The following AEBP2 variants were observed in gnomAD, a reference collection of about 807,000 sequenced individuals.
The protein encoded by AEBP2 is zinc finger protein AEBP2.
A neutral mutation model predicts 50.8 loss-of-function variants in AEBP2; 10 were observed. The observed-to-expected ratio is 0.20, with a 90% CI of 0.12 to 0.33. The LOEUF is 0.33. Among genes scored for constraint, AEBP2 ranks in the 10% least tolerant of loss-of-function variants. AEBP2 has a pLI of 1.00. For synonymous variants in AEBP2, 296 were observed against 261.3 expected (o/e 1.13, Z -1.28); for missense variants, 570 against 688.0 (o/e 0.83, Z 1.92).
intron 7 of AEBP2, 51 bp from the exon 8 acceptor site, chr12:19,518,035 CA>C: frequency 4.6e-6 from 7 of 1,518,600 alleles, no homozygotes; most frequent in African/African-American, 1.4e-5. Context: ...TTGAAGCACT[CA>C]AATGTGTTTG....
In AEBP2 at chr12:19,519,105, G is replaced by A. The variant is rs1195736317; in HGVS notation, c.*988G>A. ...CACTTTCTTGCTTGGTAAGCAAGAA[G>A]CCATATCGATTTTTTTTAACTTACA... On this transcript the variant is annotated 3_prime_UTR_variant, in exon 8 of 8. Coordinates refer to ENST00000266508, the MANE Select transcript of AEBP2 (RefSeq NM_153207.5). 1 of 153,744 alleles carries A rather than the reference G, an allele frequency of 6.5e-6. No homozygotes were observed. Among genetic ancestry groups the A allele is most frequent in the African/African-American group, 2.4e-5 (1 of 41,440 alleles). 9.5% of individuals were successfully genotyped at this position (153,744 alleles called of 1,614,324 possible).
At chr12:19,466,097 A>G (rs1194942037) in intron 2 of AEBP2, among the ~76,000 whole-genome samples, 1 of 151,986 alleles carries the variant, frequency 6.6e-6, no homozygotes, top group Admixed American at 6.6e-5. Context: ...CCTCTGAGCC[A>G]CCATGCCTAG....
rs147399428 is a variant in AEBP2 at position 19,415,217 on chromosome 12, C to T, written c.-17+11001C>T. On this transcript the variant is annotated intron_variant, in intron 1 of 3. Transcript: ENST00000538425. ...TAGTCCTAGCTACTTGGGGGGCTGA[C>T]GTGGGAGAATCGCTTGAGCTGGAAG... Among the ~76,000 whole-genome samples, 1,107 of 143,396 alleles carry T rather than the reference C, an allele frequency of 7.7e-3. 9 individuals carry two copies. Among genetic ancestry groups the T allele is most frequent in the African/African-American group, 0.018 (704 of 38,442 alleles). 94.1% of individuals were successfully genotyped at this position (143,396 alleles called of 152,430 possible). A position where few individuals can be genotyped will look rare whatever the true frequency, so the allele number is the denominator to read the frequency against.
At chr12:19,494,262 T>A (rs1948937144) in intron 4 of AEBP2, among the ~76,000 whole-genome samples, 1 of 152,176 alleles carries the variant, frequency 6.6e-6, no homozygotes, top group Non-Finnish European at 1.5e-5. Context: ...AACATTGGTA[T>A]TTCTAGAAAT....
At chr12:19,413,561 A>G in intron 1 of AEBP2, 1 of 667,146 alleles carries the variant, frequency 1.5e-6, no homozygotes, top group Non-Finnish European at 2.7e-6. Context: ...ATGCCTTTTA[A>G]AAAATAAACT....
intron 1 of AEBP2, among the ~76,000 whole-genome samples, chr12:19,460,265 A>G (rs1296291104): frequency 6.6e-6 from 1 of 152,188 alleles, no homozygotes; most frequent in Non-Finnish European, 1.5e-5. Flanking sequence ...AGATCATTAT[A>G]AAGCTTACTT....
chr12:19,429,076 A>T (rs926596013), intron 1 of AEBP2, among the ~76,000 whole-genome samples: 1 of 152,090 alleles, frequency 6.6e-6, no homozygotes, highest in African/African-American at 2.4e-5. Context: ...TGCTGCATCT[A>T]TTAACTCGTC....
At chr12:19,472,083 A>G (rs559846751) in intron 2 of AEBP2, among the ~76,000 whole-genome samples, 14 of 152,244 alleles carry the variant, frequency 9.2e-5, no homozygotes, top group African/African-American at 3.4e-4. Context: ...GCCTTGTTAT[A>G]CCTATTTGAC....
chr12:19,436,132 C>A (rs1314731346), upstream of AEBP2, among the ~76,000 whole-genome samples: 1 of 152,070 alleles, frequency 6.6e-6, no homozygotes. Context: ...AACCAAGATG[C>A]GATGTAAGTG....
chr12:19,425,773 CAAAAA>C (rs11317571), intron 1 of AEBP2, among the ~76,000 whole-genome samples: 5 of 47,888 alleles, frequency 1.0e-4, no homozygotes, highest in African/African-American at 3.6e-4. Context: ...GACTCCATCT[CAAAAA>C]AAAAAAAAAA....
At chr12:19,440,525 C>G (rs1403069091) in intron 1 of AEBP2, 155 bp downstream of exon 1, 1 of 1,383,238 alleles carries the variant, frequency 7.2e-7, no homozygotes, top group Non-Finnish European at 9.4e-7. Context: ...TCGCCGTCGC[C>G]GCCGCGCCCC....
At chr12:19,422,752 G>A (rs73335393) in intron 1 of AEBP2, among the ~76,000 whole-genome samples, 2,164 of 152,136 alleles carry the variant, frequency 0.014, 51 homozygotes, top group African/African-American at 0.049. Context: ...GATAACTCTT[G>A]TGTGAAAGAG....
At chr12:19,515,580 A>C (rs1949305949) in intron 7 of AEBP2, among the ~76,000 whole-genome samples, 1 of 152,136 alleles carries the variant, frequency 6.6e-6, no homozygotes, top group Non-Finnish European at 1.5e-5. Flanking sequence ...TCTTATTGAA[A>C]GGACTTTATA....
chr12:19,486,638 C>G (rs905123976), intron 3 of AEBP2, among the ~76,000 whole-genome samples: 2 of 152,090 alleles, frequency 1.3e-5, no homozygotes, highest in Non-Finnish European at 2.9e-5. Context: ...CCCCTGTGAC[C>G]TCCCAAAATG....
intron 3 of AEBP2, among the ~76,000 whole-genome samples, chr12:19,481,564 C>T (rs1449982739): frequency 1.3e-5 from 2 of 151,834 alleles, no homozygotes; most frequent in African/African-American, 2.4e-5. Flanking sequence ...CTCCCACCTT[C>T]ACCTCCTGGG....
intron 3 of AEBP2, among the ~76,000 whole-genome samples, chr12:19,484,250 A>ATTTTTTTTTTTTTTTTTTTTTT (rs59403434): frequency 9.3e-6 from 1 of 107,518 alleles, no homozygotes; most frequent in African/African-American, 3.6e-5. Flanking sequence ...CGCCCAGCCA[A>ATTTTTTTTTTTTTTTTTTTTTT]TTTTTTTTTT....
Position 19,493,985 on chromosome 12 carries a change from A to G in AEBP2, c.1173A>G (p.Leu391=). 1 of 1,603,360 alleles carries G rather than the reference A, an allele frequency of 6.2e-7. No individual in the cohort carries two copies. Among genetic ancestry groups the G allele is most frequent in the Non-Finnish European group, 8.5e-7 (1 of 1,174,614 alleles). ...TAAAGAACAAAAGACGACGCTCATTACGTAAGTGTTACACTGAGAAAATCT... is the reference window on the plus strand; with the variant it reads ...TAAAGAACAAAAGACGACGCTCATTGCGTAAGTGTTACACTGAGAAAATCT... ...RKLKNKRRRS[L]PRPHDFFDAQ... The change falls in exon 4 of 8, where the codon TTA becomes TTG. Residue 391 remains leucine (L), a splice_region_variant and synonymous_variant. Transcript: ENST00000266508.
intron 5 of AEBP2, among the ~76,000 whole-genome samples, chr12:19,501,797 G>GTTTGTTTT (rs60750234): frequency 1.3e-4 from 9 of 70,898 alleles, no homozygotes; most frequent in South Asian, 1.3e-3. Flanking sequence ...AAATGAGTTT[G>GTTTGTTTT]TTTTTTTTTT....
In AEBP2 at chr12:19,520,863, G is replaced by A. The variant is rs1341890947; in HGVS notation, c.*2746G>A. On this transcript the variant is annotated 3_prime_UTR_variant, in exon 8 of 8. Transcript: ENST00000266508. Reference sequence around the variant, plus strand: ...TCTGAGTGCTGACATCATGCTGCAAGTGGAAAATTCCACGCCTGACCTCAT... The same window carrying A: ...TCTGAGTGCTGACATCATGCTGCAAATGGAAAATTCCACGCCTGACCTCAT... The A allele has an allele frequency of 6.6e-6, 1 of 152,188 alleles. No homozygotes were observed. The highest frequency in any genetic ancestry group is 1.5e-5 in the Non-Finnish European group (1 of 68,040). The allele number at this position is 152,188 out of a possible 1,614,324, so 9.4% of individuals were successfully genotyped here. A position where few individuals can be genotyped will look rare whatever the true frequency, so the allele number is the denominator to read the frequency against.
Sources: gnomAD v4.1 joint callset for allele counts (sites outside exome capture counted in the v4.1 genomes callset) on GRCh38, gnomAD v4.1.1 for gene constraint, MANE v1.5 for transcripts, NCBI Gene and HGNC (gene_info 2026-07-23, HGNC 2026-07-21) for gene names.